The following SOD2 variants were observed in gnomAD, a reference collection of about 807,000 sequenced individuals.
SOD2 encodes the protein superoxide dismutase 2.
SOD2 carries 11 observed loss-of-function variants against 27.0 expected under a neutral mutation model. The observed-to-expected ratio is 0.41, with a 90% CI of 0.26 to 0.67. The LOEUF is 0.67. SOD2 is among the 30% of genes least tolerant of loss of function. SOD2 has a pLI of 0.34. For missense variants in SOD2, 250 were observed against 274.5 expected, an observed-to-expected ratio of 0.91 and a Z score of 0.63; for synonymous variants, 105 against 103.0, an observed-to-expected ratio of 1.02 and a Z score of -0.12.
chr6:159,732,513 T>C (rs746649572), intron 1 of SOD2, among the ~76,000 whole-genome samples: 1 of 152,172 alleles, frequency 6.6e-6, no homozygotes, highest in Admixed American at 6.5e-5. Flanking sequence ...CTCAAATAGC[T>C]AAAATTGTCT....
At chr6:159,743,659 C>A in intron 1 of SOD2, 1 of 1,580,258 alleles carries the variant, frequency 6.3e-7, no homozygotes, top group South Asian at 1.2e-5. Context: ...TTTTTTGAAT[C>A]ATCAGCTAAT....
chr6:159,687,102 A>G (rs940024658), intron 3 of SOD2, among the ~76,000 whole-genome samples: 1 of 152,192 alleles, frequency 6.6e-6, no homozygotes, highest in Non-Finnish European at 1.5e-5. Context: ...TCTCAAAACA[A>G]CACCATTGTT....
chr6:159,676,267 A>C lies in SOD2; in HGVS notation c.*6226T>G, dbSNP rs1779776842. 1 of 152,198 alleles carries C rather than the reference A, an allele frequency of 6.6e-6. No individual in the cohort carries two copies. 9.4% of individuals were successfully genotyped at this position (152,198 alleles called of 1,614,324 possible). ...ACTGGGTATATACCCAAAGGATTATAAATCATGCTGCTATAAAGACACATG... is the reference window on the plus strand; with the variant it reads ...ACTGGGTATATACCCAAAGGATTATCAATCATGCTGCTATAAAGACACATG... On this transcript the variant is annotated 3_prime_UTR_variant, in exon 5 of 5. Coordinates refer to ENST00000538183, the MANE Select transcript of SOD2 (RefSeq NM_000636.4).
chr6:159,699,425 G>C (rs921435231), intron 1 of SOD2, among the ~76,000 whole-genome samples: 3 of 152,152 alleles, frequency 2.0e-5, no homozygotes, highest in African/African-American at 4.8e-5. Context: ...GGACCCAGGA[G>C]GCCAAAAGAG....
chr6:159,725,845 CTACACT>C (rs1778153998), intron 1 of SOD2: 1 of 152,064 alleles, frequency 6.6e-6, no homozygotes, highest in African/African-American at 2.4e-5. Flanking sequence ...TGAATACTTA[CTACACT>C]TAAATATTTA....
At chr6:159,698,622 A>T (rs1777471977) in intron 1 of SOD2, among the ~76,000 whole-genome samples, 1 of 151,662 alleles carries the variant, frequency 6.6e-6, no homozygotes, top group South Asian at 2.1e-4. Flanking sequence ...TAGAAAAAAA[A>T]AAAAACAAGA....
intron 1 of SOD2, among the ~76,000 whole-genome samples, chr6:159,706,251 A>G (rs937138529): frequency 1.6e-4 from 25 of 152,240 alleles, no homozygotes; most frequent in African/African-American, 6.0e-4. Context: ...TGACAGGATC[A>G]AATTCACACA....
chr6:159,698,614 GA>G (rs144911458), intron 1 of SOD2, among the ~76,000 whole-genome samples: 29,524 of 108,780 alleles, frequency 0.27, 3,174 homozygotes, highest in East Asian at 0.44. Context: ...AAAACATTTA[GA>G]AAAAAAAAAA....
chr6:159,759,514 A>C (rs1317170841), intron 1 of SOD2, among the ~76,000 whole-genome samples: 1 of 151,698 alleles, frequency 6.6e-6, no homozygotes, highest in Non-Finnish European at 1.5e-5. Flanking sequence ...TACTAAAAAT[A>C]TAAAAATTAG....
intron 1 of SOD2, among the ~76,000 whole-genome samples, chr6:159,739,824 C>CTTTTTTTTTTT (rs56389349): frequency 9.4e-5 from 8 of 85,188 alleles, no homozygotes; most frequent in East Asian, 4.7e-4. Context: ...CACTTTTTAC[C>CTTTTTTTTTTT]TTTTTTTTTT....
At chr6:159,704,296 A>G (rs1777580388) in intron 1 of SOD2, among the ~76,000 whole-genome samples, 1 of 152,166 alleles carries the variant, frequency 6.6e-6, no homozygotes, top group African/African-American at 2.4e-5. Flanking sequence ...GTGGGTGCAG[A>G]GCACTGAGTG....
intron 1 of SOD2, chr6:159,755,937 G>A: frequency 4.1e-6 from 1 of 245,818 alleles, no homozygotes; most frequent in Non-Finnish European, 7.6e-6. Context: ...ACAACACAAT[G>A]ATGTCTGTAT....
chr6:159,741,643 T>A (rs964667151), intron 1 of SOD2: 10 of 158,234 alleles, frequency 6.3e-5, no homozygotes, highest in African/African-American at 2.4e-4. Flanking sequence ...TCTTTTTACC[T>A]GTTTCCTGTA....
chr6:159,724,114 T>C (rs1778093291), intron 1 of SOD2, among the ~76,000 whole-genome samples: 1 of 152,068 alleles, frequency 6.6e-6, no homozygotes, highest in Non-Finnish European at 1.5e-5. Context: ...TTATATTAGT[T>C]TCCACCCCCA....
At chr6:159,726,757 A>G in intron 1 of SOD2, 1 of 1,286,660 alleles carries the variant, frequency 7.8e-7, no homozygotes, top group Non-Finnish European at 1.0e-6. Context: ...ATGCGTCTCC[A>G]GAGATGTCAA....
chr6:159,744,466 T>C lies in SOD2; in HGVS notation c.-116+664A>G, dbSNP rs569191290. On this transcript the variant is annotated intron_variant, in intron 1 of 3. Transcript: ENST00000537657. ...CATATAGAAGTCTTCTTATGTGTTATTAAAGTCTTCTAAGATAGTATTCTG... is the reference window on the plus strand; with the variant it reads ...CATATAGAAGTCTTCTTATGTGTTACTAAAGTCTTCTAAGATAGTATTCTG... Among the ~76,000 whole-genome samples, 439 of 152,340 alleles carry C rather than the reference T, an allele frequency of 2.9e-3. 2 individuals are homozygous for C. The highest frequency in any genetic ancestry group is 9.8e-3 in the African/African-American group (408 of 41,572).
chr6:159,714,214 C>T, intron 1 of SOD2, among the ~76,000 whole-genome samples: 1 of 152,202 alleles, frequency 6.6e-6, no homozygotes, highest in East Asian at 1.9e-4. Flanking sequence ...AAGACTAATA[C>T]AGGCCCTCAC....
intron 1 of SOD2, among the ~76,000 whole-genome samples, chr6:159,711,120 T>C (rs80151645): frequency 8.6e-4 from 63 of 73,664 alleles, no homozygotes; most frequent in African/African-American, 2.1e-3. Context: ...ACCACTCACA[T>C]TGCTCTGATC....
chr6:159,756,576 AGTC>A (rs1780014818), intron 1 of SOD2, among the ~76,000 whole-genome samples: 1 of 144,408 alleles, frequency 6.9e-6, no homozygotes, highest in Admixed American at 7.0e-5. Flanking sequence ...TAAAGAAAAT[AGTC>A]ATCTATTTCT....
Sources: gnomAD v4.1 joint callset for allele counts (sites outside exome capture counted in the v4.1 genomes callset) on GRCh38, gnomAD v4.1.1 for gene constraint, MANE v1.5 for transcripts, NCBI Gene and HGNC (gene_info 2026-07-23, HGNC 2026-07-21) for gene names.